CSNK2A2IP: variants seen among roughly 807,000 people sequenced by gnomAD.
CSNK2A2IP encodes the protein casein kinase II subunit alpha'-interacting protein.
At chr3:88,362,811 C>G in the CSNK2A2IP span, among the ~76,000 whole-genome samples, 37 of 152,290 alleles carry the variant, frequency 2.4e-4, no homozygotes, top group Non-Finnish European at 4.1e-4. Flanking sequence ...TTTATTTTAA[C>G]GTGGCTGAGC....
the CSNK2A2IP span, among the ~76,000 whole-genome samples, chr3:88,460,019 CAT>C: frequency 3.9e-5 from 6 of 152,038 alleles, no homozygotes; most frequent in Admixed American, 2.0e-4. Flanking sequence ...GTCTGAATGA[CAT>C]ACAGCAGTTT....
At chr3:88,346,793 A>G in the CSNK2A2IP span, among the ~76,000 whole-genome samples, 3 of 151,326 alleles carry the variant, frequency 2.0e-5, no homozygotes, top group Non-Finnish European at 4.4e-5. Flanking sequence ...TGCTTACACA[A>G]CATCCATTCT....
the CSNK2A2IP span, among the ~76,000 whole-genome samples, chr3:88,408,615 A>C: frequency 6.6e-6 from 1 of 152,064 alleles, no homozygotes; most frequent in African/African-American, 2.4e-5. Flanking sequence ...ATTAACATAA[A>C]GTACTCTATT....
chr3:88,418,685 A>G, the CSNK2A2IP span, among the ~76,000 whole-genome samples: 2 of 152,102 alleles, frequency 1.3e-5, no homozygotes, highest in African/African-American at 4.8e-5. Context: ...GAGAGGGTAC[A>G]TGTGCAGGTT....
chr3:88,350,594 G>C, the CSNK2A2IP span, among the ~76,000 whole-genome samples: 1 of 33,118 alleles, frequency 3.0e-5, no homozygotes, highest in South Asian at 5.0e-3. Flanking sequence ...TAAATTCAAA[G>C]ATGATGAAAA....
the CSNK2A2IP span, among the ~76,000 whole-genome samples, chr3:88,454,226 C>A: frequency 6.6e-6 from 1 of 152,048 alleles, no homozygotes; most frequent in East Asian, 1.9e-4. Context: ...CATTCCAAAT[C>A]ATCTTTGGAG....
chr3:88,396,230 C>G, the CSNK2A2IP span, among the ~76,000 whole-genome samples: 12 of 151,236 alleles, frequency 7.9e-5, no homozygotes, highest in African/African-American at 2.9e-4. Flanking sequence ...CTCAGCCTCC[C>G]GAGTAGCTGG....
chr3:88,455,349 C>G, the CSNK2A2IP span, among the ~76,000 whole-genome samples: 1 of 151,596 alleles, frequency 6.6e-6, no homozygotes, highest in Non-Finnish European at 1.5e-5. Flanking sequence ...TTCTTTTTTC[C>G]CCACATCCTT....
chr3:88,417,538 TA>T, the CSNK2A2IP span, among the ~76,000 whole-genome samples: 1 of 152,198 alleles, frequency 6.6e-6, no homozygotes, highest in Non-Finnish European at 1.5e-5. Context: ...CAGTTTTCTG[TA>T]ACCTACTGTT....
the CSNK2A2IP span, among the ~76,000 whole-genome samples, chr3:88,351,867 T>C: frequency 2.0e-5 from 3 of 152,176 alleles, no homozygotes; most frequent in African/African-American, 7.2e-5. Context: ...AACATTCTTT[T>C]AAGTCACCAG....
chr3:88,415,718 C>G, the CSNK2A2IP span, among the ~76,000 whole-genome samples: 1 of 151,884 alleles, frequency 6.6e-6, no homozygotes. Flanking sequence ...GGTATAATTC[C>G]TTGCAAAGTC....
At chr3:88,367,247 G>T in the CSNK2A2IP span, among the ~76,000 whole-genome samples, 2 of 152,110 alleles carry the variant, frequency 1.3e-5, no homozygotes, top group Non-Finnish European at 2.9e-5. Context: ...AAAGTGAAAA[G>T]AAGAGTCAAA....
chr3:88,438,001 A>G, the CSNK2A2IP span, among the ~76,000 whole-genome samples: 1 of 152,216 alleles, frequency 6.6e-6, no homozygotes, highest in African/African-American at 2.4e-5. Context: ...CAAAACACTC[A>G]ACAAAGGGCA....
At chr3:88,397,790 A>C in the CSNK2A2IP span, among the ~76,000 whole-genome samples, 1 of 151,744 alleles carries the variant, frequency 6.6e-6, no homozygotes, top group Non-Finnish European at 1.5e-5. Flanking sequence ...ATAACATCAC[A>C]GTTTGAGGCA....
the CSNK2A2IP span, among the ~76,000 whole-genome samples, chr3:88,417,716 A>G: frequency 6.6e-6 from 1 of 152,096 alleles, no homozygotes; most frequent in Non-Finnish European, 1.5e-5. Flanking sequence ...TTTACTGTCA[A>G]CTGTAGGTCC....
the CSNK2A2IP span, among the ~76,000 whole-genome samples, chr3:88,374,702 T>G: frequency 6.6e-6 from 1 of 151,710 alleles, no homozygotes; most frequent in East Asian, 1.9e-4. Flanking sequence ...TTTACATTAT[T>G]TCCTCACAAG....
chr3:88,343,845 C>T, the CSNK2A2IP span, among the ~76,000 whole-genome samples: 2 of 151,882 alleles, frequency 1.3e-5, no homozygotes, highest in South Asian at 2.1e-4. Flanking sequence ...TCAAAGCTAA[C>T]TTGATTATGG....
At chr3:88,467,231 C>T in the CSNK2A2IP span, 1 of 401,244 alleles carries the variant, frequency 2.5e-6, no homozygotes, top group Non-Finnish European at 4.4e-6. Flanking sequence ...ACCACCTCCT[C>T]CTCCTCCTCT....
At chr3:88,359,655 C>T in the CSNK2A2IP span, among the ~76,000 whole-genome samples, 5 of 151,930 alleles carry the variant, frequency 3.3e-5, no homozygotes, top group Non-Finnish European at 7.4e-5. Context: ...GTTTAATTTC[C>T]AAGTGTTTGT....
Sources: allele counts gnomAD v4.1 joint callset (sites outside exome capture counted in the v4.1 genomes callset), GRCh38; gene constraint gnomAD v4.1.1; transcripts MANE v1.5; gene names NCBI Gene and HGNC (gene_info 2026-07-23, HGNC 2026-07-21).